DNAJC6: variants seen among roughly 807,000 people sequenced by gnomAD.
DNAJC6 encodes the protein auxilin.
Under a neutral mutation model 110.0 loss-of-function variants are expected in DNAJC6, and 34 were observed. The ratio of observed to expected loss-of-function variants is 0.31; its 90% CI spans 0.24 to 0.41. DNAJC6 has a LOEUF of 0.41. Ranked by LOEUF, DNAJC6 falls within the 10% of genes least tolerant of loss-of-function variation. The pLI is 1.00. For synonymous variants in DNAJC6, 406 were observed against 437.2 expected (o/e 0.93, Z 0.89); for missense variants, 1,031 against 1,207.8 (o/e 0.85, Z 2.17).
intron 1 of DNAJC6, among the ~76,000 whole-genome samples, chr1:65,277,411 T>G (rs2101173974): frequency 6.6e-6 from 1 of 152,328 alleles, no homozygotes; most frequent in East Asian, 1.9e-4. Context: ...TTTTAATACT[T>G]TTGTGATTTT....
Position 65,309,600 on chromosome 1 carries a change from T to G in DNAJC6, c.-146T>G. On this transcript the variant is annotated 5_prime_UTR_variant, in exon 1 of 19. Coordinates refer to ENST00000371069, the MANE Select transcript of DNAJC6 (RefSeq NM_001256864.2). ...CTCGCCCGGCGAAGCTTCTCTCCGG[T>G]GGCCGCTCCTTCTTTTCCCTCCTCT... The G allele has an allele frequency of 3.3e-6, 4 of 1,200,584 alleles. No homozygotes were observed. Among genetic ancestry groups the G allele is most frequent in the Non-Finnish European group, 4.2e-6 (4 of 963,364 alleles). The allele number at this position is 1,200,584 out of a possible 1,614,324, so 74.4% of individuals were successfully genotyped here.
At chr1:65,264,981 A>C in intron 1 of DNAJC6, 1 of 1,573,398 alleles carries the variant, frequency 6.4e-7, no homozygotes, top group Non-Finnish European at 8.7e-7. Context: ...TAAAGGCTAA[A>C]AGATGCTAGG....
intron 5 of DNAJC6, among the ~76,000 whole-genome samples, chr1:65,380,788 A>G (rs1271438598): frequency 2.0e-5 from 3 of 152,064 alleles, no homozygotes; most frequent in Non-Finnish European, 4.4e-5. Flanking sequence ...ACAAAAGATT[A>G]TGGTTCTACA....
chr1:65,310,770 A>G (rs1050517028), intron 1 of DNAJC6, among the ~76,000 whole-genome samples: 2 of 152,190 alleles, frequency 1.3e-5, no homozygotes, highest in African/African-American at 4.8e-5. Context: ...ATGTTGGACT[A>G]GGAGTATTAT....
At chr1:65,364,602 T>G in intron 1 of DNAJC6, 33 bp from the exon 2 acceptor site, 1 of 1,572,604 alleles carries the variant, frequency 6.4e-7, no homozygotes, top group Non-Finnish European at 8.6e-7. Flanking sequence ...CCATCACCAT[T>G]TTTGTTTGTT....
intron 1 of DNAJC6, among the ~76,000 whole-genome samples, chr1:65,281,437 A>G (rs373647182): frequency 1.3e-5 from 2 of 151,994 alleles, no homozygotes; most frequent in East Asian, 3.9e-4. Context: ...TCCTCCCCCT[A>G]GCCCCTGGCA....
intron 1 of DNAJC6, among the ~76,000 whole-genome samples, chr1:65,304,185 G>T (rs1645015883): frequency 6.6e-6 from 1 of 151,644 alleles, no homozygotes; most frequent in Non-Finnish European, 1.5e-5. Context: ...CATGATATTG[G>T]GTTATCTTAA....
upstream of DNAJC6, among the ~76,000 whole-genome samples, chr1:65,306,076 ATTTT>A (rs35897124): frequency 2.2e-5 from 3 of 135,242 alleles, no homozygotes; most frequent in Admixed American, 7.5e-5. Context: ...GGCAACTTCA[ATTTT>A]TTTTTTTTTT....
rs765057387 is a variant in DNAJC6 at position 65,411,368 on chromosome 1, C to T, written c.2753C>T (p.Thr918Ile). The T allele has an allele frequency of 7.4e-6, 12 of 1,614,174 alleles. No individual in the cohort carries two copies. In the Admixed American group the frequency reaches 1.3e-4, roughly 18 times the overall value. The change falls in exon 18 of 19, where the codon ACA (threonine) becomes ATA (isoleucine). Residue 918 changes from threonine (T) to isoleucine (I), a missense_variant. Transcript: ENST00000371069. The part of the protein sequence containing the change: ...WKPVGMADLV[T>I]PEQVKKVYRK... ...CCAGTTGGCATGGCAGACCTGGTAA[C>T]ACCAGAGCAGGTGAAGAAGGTGTAC...
intron 1 of DNAJC6, among the ~76,000 whole-genome samples, chr1:65,345,229 CGTGTGTGTGTGTGTGT>C (rs55934054): frequency 2.1e-5 from 3 of 143,844 alleles, no homozygotes; most frequent in African/African-American, 5.2e-5. Flanking sequence ...CTCTCCCTTT[CGTGTGTGTGTGTGTGT>C]GTGTGTGTGT....
intron 1 of DNAJC6, among the ~76,000 whole-genome samples, chr1:65,297,859 G>A (rs1293526107): frequency 6.6e-6 from 1 of 152,108 alleles, no homozygotes; most frequent in African/African-American, 2.4e-5. Flanking sequence ...TTCAGACCTT[G>A]CATTCTGAGG....
intron 1 of DNAJC6, among the ~76,000 whole-genome samples, chr1:65,302,831 G>A (rs893782146): frequency 3.9e-5 from 6 of 152,060 alleles, no homozygotes; most frequent in African/African-American, 9.7e-5. Flanking sequence ...CACCGCGCCC[G>A]GCCTGTCTCT....
At chr1:65,375,751 G>A (rs1645759960) in intron 4 of DNAJC6, among the ~76,000 whole-genome samples, 1 of 152,164 alleles carries the variant, frequency 6.6e-6, no homozygotes, top group African/African-American at 2.4e-5. Flanking sequence ...GTTGATAATG[G>A]TGAATGATCT....
intron 1 of DNAJC6, among the ~76,000 whole-genome samples, chr1:65,302,139 T>C (rs1165017887): frequency 7.1e-6 from 1 of 141,472 alleles, no homozygotes; most frequent in African/African-American, 2.6e-5. Context: ...ATATATATAA[T>C]ACGTATTATA....
At chr1:65,323,595 G>C (rs1645215339) in intron 1 of DNAJC6, among the ~76,000 whole-genome samples, 1 of 151,964 alleles carries the variant, frequency 6.6e-6, no homozygotes, top group South Asian at 2.1e-4. Flanking sequence ...TCCTTCCTTT[G>C]TTTTCTTTTC....
At chr1:65,398,342 G>C (rs753912823) in intron 13 of DNAJC6, among the ~76,000 whole-genome samples, 4 of 152,122 alleles carry the variant, frequency 2.6e-5, no homozygotes, top group Non-Finnish European at 5.9e-5. Context: ...TGTCAGTTTT[G>C]AGTGGATTAT....
At chr1:65,322,694 C>A (rs1645207966) in intron 1 of DNAJC6, among the ~76,000 whole-genome samples, 1 of 152,124 alleles carries the variant, frequency 6.6e-6, no homozygotes, top group Admixed American at 6.6e-5. Context: ...TTGCTAAGAA[C>A]CTTGCACTAA....
chr1:65,398,753 C>A, intron 13 of DNAJC6, 60 bp from the exon 14 acceptor site: 1 of 1,582,178 alleles, frequency 6.3e-7, no homozygotes, highest in African/African-American at 1.3e-5. Flanking sequence ...CCTGTGTGAA[C>A]TCAGAAAAGT....
At chr1:65,408,844 A>T in intron 17 of DNAJC6, 61 bp downstream of exon 17, 1 of 1,581,810 alleles carries the variant, frequency 6.3e-7, no homozygotes, top group Non-Finnish European at 8.6e-7. Flanking sequence ...TGATAAAGTC[A>T]TGTGTATGGA....
Sources: gnomAD v4.1 joint callset for allele counts (sites outside exome capture counted in the v4.1 genomes callset) on GRCh38, gnomAD v4.1.1 for gene constraint, MANE v1.5 for transcripts, NCBI Gene and HGNC (gene_info 2026-07-23, HGNC 2026-07-21) for gene names.